The following ESRRG variants were observed in gnomAD, a reference collection of about 807,000 sequenced individuals.
The protein encoded by ESRRG is estrogen-related receptor gamma.
In ESRRG, 13 loss-of-function variants were observed where a neutral mutation model predicts 44.0. The observed-to-expected ratio is 0.30, with a 90% CI of 0.19 to 0.47. The LOEUF (loss-of-function observed/expected upper bound fraction) is 0.47, where lower values mean the gene tolerates loss of function less well. ESRRG is among the 20% of genes least tolerant of loss of function. ESRRG has a pLI of 1.00. For synonymous variants in ESRRG, 215 were observed against 214.6 expected, an observed-to-expected ratio of 1.00 and a Z score of -0.02; for missense variants, 395 against 580.6, an observed-to-expected ratio of 0.68 and a Z score of 3.29.
intron 1 of ESRRG, among the ~76,000 whole-genome samples, chr1:216,962,607 T>C (rs984704073): frequency 2.0e-5 from 3 of 152,160 alleles, no homozygotes; most frequent in Non-Finnish European, 4.4e-5. Flanking sequence ...TCTTTCTTAT[T>C]GTTAAATTAT....
At chr1:216,854,905 T>C (rs2095902837) in intron 2 of ESRRG, 1 of 152,138 alleles carries the variant, frequency 6.6e-6, no homozygotes, top group African/African-American at 2.4e-5. Context: ...GAATAAAATA[T>C]TGGTTTATAA....
intron 2 of ESRRG, among the ~76,000 whole-genome samples, chr1:216,926,677 A>C (rs2062627048): frequency 6.6e-6 from 1 of 152,074 alleles, no homozygotes; most frequent in Admixed American, 6.6e-5. Context: ...ATAGAGATAC[A>C]AAAAAAAGTA....
At chr1:217,051,210 G>GGT (rs894857987) in intron 1 of ESRRG, among the ~76,000 whole-genome samples, 4 of 110,782 alleles carry the variant, frequency 3.6e-5, no homozygotes, top group African/African-American at 8.9e-5. Flanking sequence ...GGGGCGGGGG[G>GGT]GGGGGGTGCC....
At chr1:216,846,683 C>T (rs1430569604) in intron 2 of ESRRG, among the ~76,000 whole-genome samples, 2 of 152,022 alleles carry the variant, frequency 1.3e-5, no homozygotes, top group East Asian at 3.9e-4. Flanking sequence ...ACTGAAATAT[C>T]TATTATTCAT....
At chr1:216,891,165 G>A (rs1364053337) in intron 2 of ESRRG, among the ~76,000 whole-genome samples, 1 of 152,134 alleles carries the variant, frequency 6.6e-6, no homozygotes, top group Non-Finnish European at 1.5e-5. Context: ...AACGCTGTCT[G>A]CCGACAGATT....
intron 1 of ESRRG, among the ~76,000 whole-genome samples, chr1:216,957,839 G>A (rs11117740): frequency 0.66 from 99,735 of 152,072 alleles, 35,804 homozygotes; most frequent in Non-Finnish European, 0.82. Flanking sequence ...ACAGATTTTA[G>A]GAGTAAAGTT....
At chr1:216,660,966 G>GAA (rs35391200) in intron 2 of ESRRG, among the ~76,000 whole-genome samples, 47 of 150,482 alleles carry the variant, frequency 3.1e-4, no homozygotes, top group Non-Finnish European at 5.6e-4. Flanking sequence ...TTCCTGATGG[G>GAA]AAAAAAAAAG....
At chr1:216,564,135 A>C in intron 5 of ESRRG, 84 bp downstream of exon 5, 1 of 817,710 alleles carries the variant, frequency 1.2e-6, no homozygotes, top group Non-Finnish European at 1.8e-6. Flanking sequence ...AAATGAGAAA[A>C]ATTTGAATTC....
rs557484953 is a variant in ESRRG at position 217,054,424 on chromosome 1, G to T, written c.-106+35083C>A. Among the ~76,000 whole-genome samples the T allele has an allele frequency of 3.3e-5, 5 of 152,238 alleles. No homozygotes were observed. In the East Asian group the frequency reaches 7.7e-4, roughly 24 times the overall value. ...TCAGAAACGTCTTGGAAATGTCCAC[G>T]TGAGGTTTGGTATAGGGATCATTTT... On this transcript the variant is annotated intron_variant, in intron 1 of 7. Transcript: ENST00000359162.
chr1:216,961,818 A>T (rs1414849441), intron 1 of ESRRG, among the ~76,000 whole-genome samples: 1 of 152,162 alleles, frequency 6.6e-6, no homozygotes, highest in Non-Finnish European at 1.5e-5. Flanking sequence ...TTGAACGAGA[A>T]GGTCATTGAC....
At chr1:217,132,111 T>C (rs1373721485) in intron 1 of ESRRG, among the ~76,000 whole-genome samples, 1 of 152,114 alleles carries the variant, frequency 6.6e-6, no homozygotes, top group Non-Finnish European at 1.5e-5. Context: ...TGTTCCAACT[T>C]TTAGGAAAAG....
intron 2 of ESRRG, among the ~76,000 whole-genome samples, chr1:216,767,320 A>G (rs1490062141): frequency 6.6e-6 from 1 of 152,078 alleles, no homozygotes; most frequent in African/African-American, 2.4e-5. Context: ...TTTCAAAGAC[A>G]CTATTTCTGA....
At chr1:216,846,854 T>C (rs553491299) in intron 2 of ESRRG, among the ~76,000 whole-genome samples, 7 of 152,006 alleles carry the variant, frequency 4.6e-5, no homozygotes, top group African/African-American at 1.7e-4. Context: ...ATTCCCCTTA[T>C]GTAGTTCTCT....
chr1:216,757,192 T>C (rs898473993), intron 2 of ESRRG, among the ~76,000 whole-genome samples: 4 of 152,024 alleles, frequency 2.6e-5, no homozygotes, highest in African/African-American at 9.7e-5. Context: ...GGGAGAGGAA[T>C]GATTTGTTTT....
chr1:216,641,076 A>C (rs1382076209), intron 3 of ESRRG, among the ~76,000 whole-genome samples: 2 of 152,210 alleles, frequency 1.3e-5, no homozygotes, highest in Non-Finnish European at 2.9e-5. Flanking sequence ...GAAATGACAA[A>C]TGGGGACAAT....
intron 1 of ESRRG, among the ~76,000 whole-genome samples, chr1:217,114,744 C>A (rs1311180595): frequency 6.7e-6 from 1 of 149,980 alleles, no homozygotes; most frequent in East Asian, 2.0e-4. Flanking sequence ...GCAATCTCTG[C>A]CCCCTGGGTT....
chr1:216,563,686 A>G (rs1415114034), intron 5 of ESRRG, among the ~76,000 whole-genome samples: 1 of 152,222 alleles, frequency 6.6e-6, no homozygotes, highest in Non-Finnish European at 1.5e-5. Flanking sequence ...TTAAATTACC[A>G]TATAGGAAAA....
rs150193380 is a variant in ESRRG, at chr1:216,768,914, T to C, written c.-13-91423A>G. Among the ~76,000 whole-genome samples the C allele has an allele frequency of 2.5e-3, 376 of 152,184 alleles. 2 individuals carry two copies. Among genetic ancestry groups the C allele is most frequent in the African/African-American group, 8.5e-3 (354 of 41,550 alleles). On this transcript the variant is annotated intron_variant, in intron 2 of 7. Coordinates refer to the ESRRG transcript ENST00000359162. Reference sequence around the variant, plus strand: ...AGAGTCAGGAATTAAATCCCCCCCATATATATGGTTTAGAGTCTATGCTGC... The same window carrying C: ...AGAGTCAGGAATTAAATCCCCCCCACATATATGGTTTAGAGTCTATGCTGC...
chr1:216,873,881 G>A (rs1461420844), intron 2 of ESRRG, among the ~76,000 whole-genome samples: 2 of 17,392 alleles, frequency 1.1e-4, no homozygotes, highest in Non-Finnish European at 2.2e-4. Context: ...AGAGAAGGGA[G>A]GGAAGGGAAG....
Sources: gnomAD v4.1 joint callset for allele counts (sites outside exome capture counted in the v4.1 genomes callset) on GRCh38, gnomAD v4.1.1 for gene constraint, MANE v1.5 for transcripts, NCBI Gene and HGNC (gene_info 2026-07-23, HGNC 2026-07-21) for gene names.